The following FOXP1 variants were observed in gnomAD, a reference collection of about 807,000 sequenced individuals.
FOXP1 encodes the protein forkhead box protein P1.
A neutral mutation model predicts 98.2 loss-of-function variants in FOXP1; 15 were observed. That is an observed-to-expected ratio of 0.15 (90% CI 0.10 to 0.24). The LOEUF is 0.24. Among genes scored for constraint, FOXP1 ranks in the 10% least tolerant of loss-of-function variants. FOXP1 has a pLI of 1.00. For synonymous variants in FOXP1, 371 were observed against 314.5 expected, an observed-to-expected ratio of 1.18 and a Z score of -1.90; for missense variants, 633 against 848.5, an observed-to-expected ratio of 0.75 and a Z score of 3.15.
rs1184751154 is a variant in FOXP1, at chr3:70,959,071, C to T, written c.*176G>A. 1 of 689,310 alleles carries T rather than the reference C, an allele frequency of 1.5e-6. No individual in the cohort carries two copies. The highest frequency in any genetic ancestry group is 2.4e-6 in the Non-Finnish European group (1 of 414,666). The allele number at this position is 689,310 out of a possible 1,614,324, so 42.7% of individuals were successfully genotyped here. Reference sequence around the variant, plus strand: ...AAAAAGTAGAAAAATCAAAAATACTCCCAAATGGGGTTCTTGATGGCACTA... The same window carrying T: ...AAAAAGTAGAAAAATCAAAAATACTTCCAAATGGGGTTCTTGATGGCACTA... On this transcript the variant is annotated 3_prime_UTR_variant, in exon 21 of 21. Coordinates refer to ENST00000649528, the MANE Select transcript of FOXP1 (RefSeq NM_001349338.3).
At chr3:71,519,283 G>A (rs1463106405) in intron 2 of FOXP1, among the ~76,000 whole-genome samples, 1 of 152,154 alleles carries the variant, frequency 6.6e-6, no homozygotes, top group African/African-American at 2.4e-5. Context: ...AATAATGTGT[G>A]AGCAGGCAAT....
chr3:71,438,245 C>CTGAATGAA (rs529353076), intron 3 of FOXP1, among the ~76,000 whole-genome samples: 17 of 152,142 alleles, frequency 1.1e-4, no homozygotes, highest in African/African-American at 4.1e-4. Flanking sequence ...AAATCTATTT[C>CTGAATGAA]TGAATGAATG....
intron 4 of FOXP1, among the ~76,000 whole-genome samples, chr3:71,328,760 G>A (rs2076079191): frequency 1.3e-5 from 2 of 151,970 alleles, no homozygotes; most frequent in South Asian, 4.2e-4. Context: ...ATCACCGGAG[G>A]TTGGGAGTTC....
chr3:71,061,387 C>G (rs1053037565), intron 7 of FOXP1, among the ~76,000 whole-genome samples: 9 of 152,120 alleles, frequency 5.9e-5, no homozygotes, highest in African/African-American at 2.2e-4. Flanking sequence ...TACATGAAAT[C>G]AAGCTATCAC....
chr3:71,270,042 G>A (rs2070181024), intron 5 of FOXP1, among the ~76,000 whole-genome samples: 1 of 152,188 alleles, frequency 6.6e-6, no homozygotes, highest in African/African-American at 2.4e-5. Context: ...TTGTCACTGT[G>A]TTTAACCACC....
chr3:71,412,337 T>C (rs1291670129), intron 3 of FOXP1, among the ~76,000 whole-genome samples: 1 of 152,190 alleles, frequency 6.6e-6, no homozygotes, highest in African/African-American at 2.4e-5. Flanking sequence ...ATGGGGTTTA[T>C]AGGGTGGGGT....
chr3:71,226,777 CTT>C (rs2065873994), intron 5 of FOXP1, among the ~76,000 whole-genome samples: 1 of 152,084 alleles, frequency 6.6e-6, no homozygotes, highest in Non-Finnish European at 1.5e-5. Context: ...CTGAGTCTCT[CTT>C]TTGCTCACTC....
chr3:71,346,206 A>G (rs1349935048), intron 4 of FOXP1, among the ~76,000 whole-genome samples: 1 of 152,250 alleles, frequency 6.6e-6, no homozygotes, highest in African/African-American at 2.4e-5. Flanking sequence ...CAGTCTAAGA[A>G]TTAAGCACTC....
At chr3:71,152,737 T>G (rs186088547) in intron 6 of FOXP1, among the ~76,000 whole-genome samples, 4 of 152,248 alleles carry the variant, frequency 2.6e-5, no homozygotes, top group Non-Finnish European at 4.4e-5. Context: ...TGGCAGAGAT[T>G]AAAAGAGACA....
intron 7 of FOXP1, among the ~76,000 whole-genome samples, chr3:71,089,653 C>T (rs1490738989): frequency 2.6e-5 from 4 of 152,216 alleles, no homozygotes; most frequent in Non-Finnish European, 5.9e-5. Flanking sequence ...ATCACTACTA[C>T]CCACAGTCCT....
chr3:71,430,996 C>T (rs2084663303), intron 3 of FOXP1, among the ~76,000 whole-genome samples: 2 of 152,272 alleles, frequency 1.3e-5, no homozygotes, highest in South Asian at 4.1e-4. Context: ...TTCTACCCCA[C>T]CACTTTGATT....
intron 7 of FOXP1, among the ~76,000 whole-genome samples, chr3:71,077,835 T>TG (rs2053965707): frequency 2.0e-5 from 2 of 101,042 alleles, no homozygotes; most frequent in Non-Finnish European, 5.5e-5. Context: ...CCTGTGCATA[T>TG]ATTTTTTTTT....
chr3:71,178,406 T>C (rs1317487346), intron 6 of FOXP1, among the ~76,000 whole-genome samples: 5 of 151,742 alleles, frequency 3.3e-5, no homozygotes, highest in Non-Finnish European at 7.4e-5. Flanking sequence ...AGTGCTGGGA[T>C]GAGAGGCGTG....
At chr3:71,531,790 G>A (rs564979638) in intron 2 of FOXP1, among the ~76,000 whole-genome samples, 2 of 152,300 alleles carry the variant, frequency 1.3e-5, no homozygotes, top group Admixed American at 1.3e-4. Context: ...ACGTTTGTGT[G>A]TTCAGGTAGA....
chr3:71,430,902 G>A (rs1029318205), intron 3 of FOXP1, among the ~76,000 whole-genome samples: 21 of 152,150 alleles, frequency 1.4e-4, no homozygotes, highest in Non-Finnish European at 2.8e-4. Flanking sequence ...TGACTTTAGA[G>A]CAACGCAGTA....
chr3:70,993,309 G>A (rs1007122985), intron 13 of FOXP1, among the ~76,000 whole-genome samples: 5 of 152,194 alleles, frequency 3.3e-5, no homozygotes, highest in Non-Finnish European at 4.4e-5. Flanking sequence ...GCCCAGGACA[G>A]AGCTCCGCAA....
intron 5 of FOXP1, among the ~76,000 whole-genome samples, chr3:71,240,304 C>A (rs1455347550): frequency 6.6e-6 from 1 of 152,218 alleles, no homozygotes; most frequent in Non-Finnish European, 1.5e-5. Flanking sequence ...TCTTTGCATT[C>A]TTTGGTTTGA....
chr3:71,009,834 G>A (rs1357398949), intron 12 of FOXP1, among the ~76,000 whole-genome samples: 8 of 151,646 alleles, frequency 5.3e-5, no homozygotes, highest in African/African-American at 1.5e-4. Context: ...CTGCGGCCTC[G>A]AACTTCTGGG....
intron 5 of FOXP1, among the ~76,000 whole-genome samples, chr3:71,295,107 CG>C: frequency 6.6e-6 from 1 of 152,214 alleles, no homozygotes; most frequent in East Asian, 1.9e-4. Flanking sequence ...TATGTGTGTA[CG>C]GGGGATCAGG....
Sources: gnomAD v4.1 joint callset for allele counts (sites outside exome capture counted in the v4.1 genomes callset) on GRCh38, gnomAD v4.1.1 for gene constraint, MANE v1.5 for transcripts, NCBI Gene and HGNC (gene_info 2026-07-23, HGNC 2026-07-21) for gene names.